Variants in ELMO1 observed in about 807,000 individuals in gnomAD.
ELMO1 encodes the protein engulfment and cell motility protein 1.
Under a neutral mutation model 98.9 loss-of-function variants are expected in ELMO1, and 26 were observed. That is an observed-to-expected ratio of 0.26 (90% CI 0.19 to 0.36). The LOEUF is 0.36. Among genes scored for constraint, ELMO1 ranks in the 10% least tolerant of loss-of-function variants. The pLI, the probability that ELMO1 is intolerant of heterozygous loss-of-function variation, is 1.00. For missense variants in ELMO1, 627 were observed against 935.2 expected, an observed-to-expected ratio of 0.67 and a Z score of 4.30; for synonymous variants, 346 against 346.0, an observed-to-expected ratio of 1.00 and a Z score of 0.00.
intron 13 of ELMO1, among the ~76,000 whole-genome samples, chr7:37,156,343 G>C (rs141635367): frequency 3.6e-4 from 55 of 152,168 alleles, no homozygotes; most frequent in Non-Finnish European, 7.6e-4. Flanking sequence ...AGGAGACAGA[G>C]ATACAAAAAA....
At chr7:36,963,137 C>A (rs1400250606) in intron 16 of ELMO1, among the ~76,000 whole-genome samples, 2 of 152,120 alleles carry the variant, frequency 1.3e-5, no homozygotes, top group African/African-American at 4.8e-5. Flanking sequence ...GTAATCCCAG[C>A]ACTTTGGGAG....
At chr7:37,151,359 T>C (rs1286643089) in intron 13 of ELMO1, among the ~76,000 whole-genome samples, 1 of 152,134 alleles carries the variant, frequency 6.6e-6, no homozygotes, top group African/African-American at 2.4e-5. Flanking sequence ...AGGGGGACTG[T>C]ATGAGGACGG....
chr7:37,118,533 A>T (rs1785756169), intron 14 of ELMO1, among the ~76,000 whole-genome samples: 1 of 152,236 alleles, frequency 6.6e-6, no homozygotes, highest in Non-Finnish European at 1.5e-5. Flanking sequence ...ATGAAAAGAT[A>T]AACACCGAGC....
chr7:37,119,196 G>A (rs1015907), intron 14 of ELMO1, among the ~76,000 whole-genome samples: 36,658 of 152,012 alleles, frequency 0.24, 5,581 homozygotes, highest in African/African-American at 0.44. Context: ...TGACTGGAAA[G>A]GCTGAAAAGA....
At chr7:37,395,173 C>G (rs1412089205) in intron 1 of ELMO1, among the ~76,000 whole-genome samples, 3 of 152,018 alleles carry the variant, frequency 2.0e-5, no homozygotes, top group Admixed American at 2.0e-4. Context: ...TGAGACCAGC[C>G]TGACCAACAT....
At chr7:37,391,028 C>G (rs1803048650) in intron 1 of ELMO1, among the ~76,000 whole-genome samples, 1 of 149,046 alleles carries the variant, frequency 6.7e-6, no homozygotes, top group Admixed American at 6.7e-5. Flanking sequence ...TCCTTCCTTC[C>G]TTCCTTCCTT....
chr7:37,042,018 C>G (rs564258242), intron 15 of ELMO1, among the ~76,000 whole-genome samples: 1 of 151,964 alleles, frequency 6.6e-6, no homozygotes, highest in African/African-American at 2.4e-5. Context: ...GGCATGGTGG[C>G]TCACACCTGT....
intron 4 of ELMO1, among the ~76,000 whole-genome samples, chr7:37,305,468 G>GTGTA (rs1798565541): frequency 1.3e-5 from 2 of 151,952 alleles, no homozygotes; most frequent in Non-Finnish European, 2.9e-5. Flanking sequence ...GTGTGTGTGT[G>GTGTA]TATGTGCATA....
chr7:37,030,827 G>T (rs1794841620), intron 15 of ELMO1, among the ~76,000 whole-genome samples: 1 of 152,050 alleles, frequency 6.6e-6, no homozygotes, highest in South Asian at 2.1e-4. Context: ...TGGTCCTGTA[G>T]CTTCTACATT....
chr7:37,051,913 T>A (rs1796129632), intron 15 of ELMO1, among the ~76,000 whole-genome samples: 1 of 152,124 alleles, frequency 6.6e-6, no homozygotes, highest in Non-Finnish European at 1.5e-5. Flanking sequence ...GTCAGAAGAC[T>A]TTTTTTGTCA....
In ELMO1 at chr7:37,192,992, TATATATATATATATATAC is replaced by T. The variant is rs1170028662; in HGVS notation, c.1086+18376_1086+18393del. 9.8e-5 allele frequency among the ~76,000 whole-genome samples: 7 copies of T among 71,768 alleles called. 1 individual carries two copies. The highest frequency in any genetic ancestry group is 7.1e-4 in the South Asian group (1 of 1,404). 47.1% of individuals were successfully genotyped at this position (71,768 alleles called of 152,430 possible). ...GGAGATATATATATATATATATATA[TATATATATATATATATAC>T]ACACACACACATTTAAAGAGTGGAA... On this transcript the variant is annotated intron_variant, in intron 13 of 21. Transcript: ENST00000310758.
rs151043850 is a variant in ELMO1 at position 36,913,723 on chromosome 7, G to A, written c.1438-18706C>T. Among the ~76,000 whole-genome samples, 21 of 152,316 alleles carry A rather than the reference G, an allele frequency of 1.4e-4. No homozygotes were observed. In the East Asian group the frequency reaches 3.9e-3, roughly 28 times the overall value. ...TCATGAGGAAAAGGTTTTGAGTGAT[G>A]TATACAAGAGTTAAAATGAGTCCCT... is the stretch of plus-strand genomic sequence containing the variant. On this transcript the variant is annotated intron_variant, in intron 16 of 21. Transcript: ENST00000310758.
At chr7:37,092,286 C>T (rs1361139789) in intron 15 of ELMO1, among the ~76,000 whole-genome samples, 1 of 151,472 alleles carries the variant, frequency 6.6e-6, no homozygotes, top group Non-Finnish European at 1.5e-5. Context: ...TCATTTATGC[C>T]ACAGCACCCT....
chr7:37,250,601 G>C (rs1321650472), intron 6 of ELMO1, among the ~76,000 whole-genome samples: 1 of 151,984 alleles, frequency 6.6e-6, no homozygotes, highest in Non-Finnish European at 1.5e-5. Flanking sequence ...GACCATCCTG[G>C]CTAACATGGT....
chr7:37,423,678 T>C (rs1158879583), intron 1 of ELMO1, among the ~76,000 whole-genome samples: 1 of 152,218 alleles, frequency 6.6e-6, no homozygotes, highest in African/African-American at 2.4e-5. Flanking sequence ...ATATATGTGT[T>C]TGTCTCTTTT....
intron 16 of ELMO1, among the ~76,000 whole-genome samples, chr7:36,897,728 C>G (rs1385432925): frequency 6.6e-6 from 1 of 152,206 alleles, no homozygotes; most frequent in Non-Finnish European, 1.5e-5. Flanking sequence ...ATAGATTAGG[C>G]TTAAAATCCA....
chr7:36,980,234 G>A (rs1179680018), intron 16 of ELMO1, among the ~76,000 whole-genome samples: 1 of 152,192 alleles, frequency 6.6e-6, no homozygotes, highest in Non-Finnish European at 1.5e-5. Context: ...CTTGCACAAG[G>A]CACTGAGCTG....
intron 13 of ELMO1, among the ~76,000 whole-genome samples, chr7:37,162,345 A>C (rs1401178573): frequency 6.6e-6 from 1 of 152,170 alleles, no homozygotes; most frequent in African/African-American, 2.4e-5. Context: ...GGCTCTTCTG[A>C]AATGTTCTGG....
intron 13 of ELMO1, among the ~76,000 whole-genome samples, chr7:37,137,342 A>T (rs1314650160): frequency 6.6e-6 from 1 of 152,184 alleles, no homozygotes; most frequent in East Asian, 1.9e-4. Context: ...TTAATACTCC[A>T]CTGACAGCAC....
Sources: allele counts gnomAD v4.1 joint callset (sites outside exome capture counted in the v4.1 genomes callset), GRCh38; gene constraint gnomAD v4.1.1; transcripts MANE v1.5; gene names NCBI Gene and HGNC (gene_info 2026-07-23, HGNC 2026-07-21).